TARS2: variants seen among roughly 807,000 people sequenced by gnomAD.
TARS2 encodes threonine--tRNA ligase, mitochondrial.
Under a neutral mutation model 94.4 loss-of-function variants are expected in TARS2, and 61 were observed. The ratio of observed to expected loss-of-function variants is 0.65; its 90% CI spans 0.53 to 0.80. The LOEUF is 0.80. Among genes scored for constraint, TARS2 ranks in the 30% least tolerant of loss-of-function variants. The pLI, the probability that TARS2 is intolerant of heterozygous loss-of-function variation, is 0.00. For synonymous variants in TARS2, 359 were observed against 353.4 expected (o/e 1.02, Z -0.18); for missense variants, 704 against 902.5 (o/e 0.78, Z 2.82).
chr1:150,499,816 C>G (rs891599672), intron 13 of TARS2, among the ~76,000 whole-genome samples: 2 of 152,006 alleles, frequency 1.3e-5, no homozygotes, highest in Non-Finnish European at 2.9e-5. Flanking sequence ...CAAGAGAGCA[C>G]GTTAGCTGGG....
chr1:150,493,913 T>G (rs1294781423), intron 7 of TARS2, among the ~76,000 whole-genome samples: 1 of 152,138 alleles, frequency 6.6e-6, no homozygotes, highest in Non-Finnish European at 1.5e-5. Context: ...TCCCAGCACT[T>G]TGGGAGGCCA....
At position 150,489,073 on chromosome 1, in the gene TARS2, C is replaced by G. The variant is rs1160908850; in HGVS notation, c.373C>G (p.Pro125Ala). Residue 125 changes from proline to alanine, a missense_variant, in exon 3 of 18, where the codon CCA becomes GCA. Physicochemically the swap from Pro to Ala is conservative, Grantham distance 27. Around this residue, in one of 3 missense-constraint regions of TARS2, gnomAD observed 208 missense variants for 228.5 expected, o/e 0.91. Coordinates refer to ENST00000369064, the MANE Select transcript of TARS2 (RefSeq NM_025150.5). Reference sequence around the variant, plus strand: ...CCTCAGATTTCTGACATTCGATTCCCCAGAGGGGAAAGCAGTAAGTTTCTT... The same window carrying G: ...CCTCAGATTTCTGACATTCGATTCCGCAGAGGGGAAAGCAGTAAGTTTCTT... ...SDLRFLTFDS[P>A]EGKAVFWHSS... 2 of 1,614,012 alleles carry G rather than the reference C, an allele frequency of 1.2e-6. No individual in the cohort carries two copies. The highest frequency in any genetic ancestry group is 1.7e-6 in the Non-Finnish European group (2 of 1,180,012).
chr1:150,504,538 A>T, intron 14 of TARS2, 94 bp from the exon 15 acceptor site: 1 of 1,569,168 alleles, frequency 6.4e-7, no homozygotes, highest in Non-Finnish European at 8.8e-7. Flanking sequence ...CTCCTGCCAG[A>T]GCTGAATATT....
intron 3 of TARS2, 79 bp downstream of exon 3, chr1:150,489,166 T>C (rs761645060): frequency 6.9e-6 from 11 of 1,604,610 alleles, no homozygotes; most frequent in African/African-American, 4.0e-5. Context: ...CATTTTATTC[T>C]TTTGCCGCAG....
At chr1:150,494,854 C>T (rs1226928073) in intron 7 of TARS2, among the ~76,000 whole-genome samples, 1 of 151,266 alleles carries the variant, frequency 6.6e-6, no homozygotes, top group Non-Finnish European at 1.5e-5. Context: ...TGGCTAACAC[C>T]GTGAAACCCC....
At chr1:150,504,762 T>C in intron 15 of TARS2, 29 bp downstream of exon 15, 2 of 1,613,594 alleles carry the variant, frequency 1.2e-6, no homozygotes, top group Non-Finnish European at 1.7e-6. Flanking sequence ...ATTTCTGTTC[T>C]GGCCCCAAAC....
chr1:150,505,842 C>T, intron 17 of TARS2, 137 bp downstream of exon 17: 1 of 734,794 alleles, frequency 1.4e-6, no homozygotes, highest in Non-Finnish European at 2.2e-6. Flanking sequence ...ATTCAGGACA[C>T]CTGACTCATT....
At chr1:150,506,486 G>GCACACACACACACACACACA (rs10581752) in intron 17 of TARS2, among the ~76,000 whole-genome samples, 1 of 123,678 alleles carries the variant, frequency 8.1e-6, no homozygotes, top group African/African-American at 3.0e-5. Context: ...ACACGCGCGC[G>GCACACACACACACACACACA]CACACACACA....
intron 17 of TARS2, among the ~76,000 whole-genome samples, chr1:150,506,259 GC>G (rs1670196219): frequency 6.6e-6 from 1 of 151,932 alleles, no homozygotes; most frequent in Non-Finnish European, 1.5e-5. Context: ...CTTGTACATG[GC>G]CCCTTTCCCT....
chr1:150,507,291 C>A lies in TARS2; in HGVS notation c.*227C>A. 1 of 523,410 alleles carries A rather than the reference C, an allele frequency of 1.9e-6. No individual in the cohort carries two copies. The highest frequency in any genetic ancestry group is 5.5e-4 in the Middle Eastern group (1 of 1,820). The allele number at this position is 523,410 out of a possible 1,614,324, so 32.4% of individuals were successfully genotyped here. Reference sequence around the variant, plus strand: ...AACTACAAAAAAAAATAAATTGGGCCAGGCGCAGTGGCTCATGCCTGTAAT... The same window carrying A: ...AACTACAAAAAAAAATAAATTGGGCAAGGCGCAGTGGCTCATGCCTGTAAT... On this transcript the variant is annotated 3_prime_UTR_variant, in exon 18 of 18. Coordinates refer to ENST00000369064, the MANE Select transcript of TARS2 (RefSeq NM_025150.5).
chr1:150,496,355 C>T, intron 7 of TARS2, 127 bp from the exon 8 acceptor site: 1 of 1,127,084 alleles, frequency 8.9e-7, no homozygotes, highest in Non-Finnish European at 1.3e-6. Flanking sequence ...GGTGTTCATC[C>T]TACTGGTGGG....
intron 14 of TARS2, 55 bp from the exon 15 acceptor site, chr1:150,504,577 A>T (rs918830316): frequency 1.9e-6 from 3 of 1,593,136 alleles, no homozygotes; most frequent in African/African-American, 2.7e-5. Flanking sequence ...GATCTTGGGT[A>T]CACAATTCGT....
intron 12 of TARS2, 88 bp downstream of exon 12, chr1:150,499,122 A>G: frequency 6.2e-7 from 1 of 1,610,782 alleles, no homozygotes; most frequent in Non-Finnish European, 8.5e-7. Context: ...TCTCAGAGGC[A>G]TCTGGTGAGT....
chr1:150,507,233 G>A lies in TARS2; in HGVS notation c.*169G>A, dbSNP rs1278167907. 2 of 860,070 alleles carry A rather than the reference G, an allele frequency of 2.3e-6. No individual in the cohort carries two copies. Among genetic ancestry groups the A allele is most frequent in the Non-Finnish European group, 3.5e-6 (2 of 579,550 alleles). 53.3% of individuals were successfully genotyped at this position (860,070 alleles called of 1,614,324 possible). ...GGTTTGGGGACCCCACAAAAGGAGG[G>A]AAGCTGTAGCTGTTTGGATGTGAGG... is the stretch of plus-strand genomic sequence containing the variant. On this transcript the variant is annotated 3_prime_UTR_variant, in exon 18 of 18. Coordinates refer to ENST00000369064, the MANE Select transcript of TARS2 (RefSeq NM_025150.5).
At chr1:150,502,278 A>G (rs1669958969) in intron 13 of TARS2, among the ~76,000 whole-genome samples, 1 of 145,012 alleles carries the variant, frequency 6.9e-6, no homozygotes, top group Admixed American at 7.0e-5. Flanking sequence ...ACTGAAGTGC[A>G]CTGGCGGATC....
intron 13 of TARS2, among the ~76,000 whole-genome samples, chr1:150,503,644 T>TATGTTTGTATAC (rs1670053511): frequency 8.5e-6 from 1 of 117,406 alleles, no homozygotes; most frequent in African/African-American, 3.0e-5. Context: ...TGTGTGTATA[T>TATGTTTGTATAC]ATGTGTGTAT....
intron 13 of TARS2, among the ~76,000 whole-genome samples, chr1:150,503,617 A>ATATGTGTGTGTG (rs1670044705): frequency 8.1e-6 from 1 of 123,886 alleles, no homozygotes; most frequent in Non-Finnish European, 1.7e-5. Context: ...GTGTATATAT[A>ATATGTGTGTGTG]TGTGTGTGTA....
chr1:150,496,897 G>T lies in TARS2; in HGVS notation c.1009G>T (p.Ala337Ser), dbSNP rs746952024. Reference sequence around the variant, plus strand: ...GACAAGGGTGTATAATGCACTAGTGGCGTTTATCAGGGTAAGGGGACCCAG... The same window carrying T: ...GACAAGGGTGTATAATGCACTAGTGTCGTTTATCAGGGTAAGGGGACCCAG... ...RGTRVYNALVAFIRAEYAHRG... is the reference protein window; with the variant it reads ...RGTRVYNALVSFIRAEYAHRG... Residue 337 changes from alanine to serine, a missense_variant, in exon 9 of 18, where the codon GCG (alanine) becomes TCG (serine). This residue lies in a region of TARS2 where 466 missense variants were observed against 609.5 expected (regional missense o/e 0.76). Coordinates refer to ENST00000369064, the MANE Select transcript of TARS2 (RefSeq NM_025150.5). 1 of 1,614,058 alleles carries T rather than the reference G, an allele frequency of 6.2e-7. No homozygotes were observed. Among genetic ancestry groups the T allele is most frequent in the South Asian group, 1.1e-5 (1 of 91,074 alleles).
At chr1:150,489,222 G>A in intron 3 of TARS2, 135 bp downstream of exon 3, 1 of 1,326,084 alleles carries the variant, frequency 7.5e-7, no homozygotes. Context: ...AGACTGTCTT[G>A]ACTATTTCTG....
Sources: gnomAD v4.1 joint callset for allele counts (sites outside exome capture counted in the v4.1 genomes callset) on GRCh38, gnomAD v4.1.1 for gene constraint, gnomAD v4.1.1 regional missense constraint, MANE v1.5 for transcripts, NCBI Gene and HGNC (gene_info 2026-07-23, HGNC 2026-07-21) for gene names.